KSR1: variants seen among roughly 807,000 people sequenced by gnomAD.
The protein encoded by KSR1 is kinase suppressor of ras 1.
In KSR1, 35 loss-of-function variants were observed where a neutral mutation model predicts 92.9. The observed-to-expected ratio is 0.38, with a 90% confidence interval of 0.29 to 0.50. KSR1 has a LOEUF of 0.50. KSR1 is among the 20% of genes least tolerant of loss of function. The pLI, the probability that KSR1 is intolerant of heterozygous loss-of-function variation, is 0.94. For missense variants in KSR1, 972 were observed against 1,158.5 expected (o/e 0.84, Z 2.34); for synonymous variants, 467 against 472.6 (o/e 0.99, Z 0.15).
chr17:27,586,647 G>A (rs977302933), intron 5 of KSR1, among the ~76,000 whole-genome samples: 1 of 152,168 alleles, frequency 6.6e-6, no homozygotes, highest in African/African-American at 2.4e-5. Flanking sequence ...TCCTCCAATT[G>A]CTGTGGTAAC....
At chr17:27,601,064 C>T (rs2073538490) in intron 10 of KSR1, among the ~76,000 whole-genome samples, 1 of 152,220 alleles carries the variant, frequency 6.6e-6, no homozygotes, top group Non-Finnish European at 1.5e-5. Flanking sequence ...TGTATTTTGC[C>T]CTTCTGGGCT....
chr17:27,526,855 T>C, intron 1 of KSR1: 1 of 698,906 alleles, frequency 1.4e-6, no homozygotes, highest in Non-Finnish European at 2.5e-6. Flanking sequence ...GAAGGAGTGC[T>C]CTGCAGGAAG....
chr17:27,515,285 T>C (rs1315104170), intron 1 of KSR1, among the ~76,000 whole-genome samples: 1 of 152,236 alleles, frequency 6.6e-6, no homozygotes, highest in Non-Finnish European at 1.5e-5. Flanking sequence ...ATTATAGTAC[T>C]GTATTTTTGC....
intron 19 of KSR1, among the ~76,000 whole-genome samples, chr17:27,618,873 A>G (rs1344416921): frequency 6.6e-6 from 1 of 152,202 alleles, no homozygotes; most frequent in Admixed American, 6.5e-5. Flanking sequence ...AAATTTTTGT[A>G]TACATAGAGA....
intron 1 of KSR1, among the ~76,000 whole-genome samples, chr17:27,531,644 G>A (rs947144679): frequency 4.6e-5 from 7 of 152,186 alleles, no homozygotes; most frequent in Non-Finnish European, 2.9e-5. Flanking sequence ...GCTGCTTGGG[G>A]CATGCTGTTG....
Position 27,605,607 on chromosome 17 carries a change from C to T in KSR1, c.1788C>T (p.Pro596=). ...TCGAGCAGGTAGAGCTGGGCGAGCC[C>T]ATCGGGCAGGGCCGCTGGGGCCGGG... is the stretch of plus-strand genomic sequence containing the variant. ...IPFEQVELGE[P]IGQGRWGRVH... Residue 596 remains proline, a synonymous_variant, in exon 14 of 21, where the codon CCC becomes CCT. Transcript: ENST00000644974. 6.2e-7 allele frequency: 1 copy of T among 1,604,850 alleles called. No individual in the cohort carries two copies. Among genetic ancestry groups the T allele is most frequent in the Admixed American group, 1.7e-5 (1 of 58,752 alleles).
At chr17:27,621,808 C>A in intron 20 of KSR1, 1 of 923,310 alleles carries the variant, frequency 1.1e-6, no homozygotes. Context: ...CCCTTTCTCT[C>A]TGGAAGAGAA....
Position 27,509,544 on chromosome 17 carries a change from CT to C in KSR1, c.232-41023del, listed in dbSNP as rs781710478. Among the ~76,000 whole-genome samples, 99 of 152,178 alleles carry C rather than the reference CT, an allele frequency of 6.5e-4. 1 individual carries two copies. Among genetic ancestry groups the C allele is most frequent in the Admixed American group, 2.9e-3 (44 of 15,288 alleles). On this transcript the variant is annotated intron_variant, in intron 1 of 20. Coordinates refer to ENST00000644974, the MANE Select transcript of KSR1 (RefSeq NM_001394583.1). ...GACCTCGTGATCTGCCCACCTCGGC[CT>C]CCCAAAGTGCTAGGATTACAGGCGT...
chr17:27,612,245 C>A (rs1215553299), intron 18 of KSR1, among the ~76,000 whole-genome samples: 1 of 152,140 alleles, frequency 6.6e-6, no homozygotes, highest in Non-Finnish European at 1.5e-5. Context: ...AATATGCATG[C>A]CATGGTGAAT....
rs2074282298 is a variant in KSR1 at position 27,623,583 on chromosome 17, ACAC to A, written c.*197_*199del. On this transcript the variant is annotated 3_prime_UTR_variant, in exon 21 of 21. Transcript: ENST00000644974. ...GCTGCACCTGCTATTTCTTAAAATG[ACAC>A]CACCAACAACCAAACCTGTCATGAC... 5 of 636,044 alleles carry A rather than the reference ACAC, an allele frequency of 7.9e-6. No homozygotes were observed. The highest frequency in any genetic ancestry group is 5.7e-5 in the Admixed American group (2 of 34,798). 39.4% of individuals were successfully genotyped at this position (636,044 alleles called of 1,614,324 possible). A position where few individuals can be genotyped will look rare whatever the true frequency, so the allele number is the denominator to read the frequency against.
In KSR1 at chr17:27,605,503, T is replaced by G. The variant is rs757111526; in HGVS notation, c.1684T>G (p.Ser562Ala). 1.9e-6 allele frequency: 3 copies of G among 1,604,206 alleles called. No individual in the cohort carries two copies. Among genetic ancestry groups the G allele is most frequent in the South Asian group, 1.1e-5 (1 of 89,006 alleles). Residue 562 changes from serine (S) to alanine (A), a missense_variant, in exon 14 of 21, where the codon TCT becomes GCT. This residue lies in a region of KSR1 where 611 missense variants were observed against 668.0 expected (regional missense o/e 0.91). Transcript: ENST00000644974. Reference sequence around the variant, plus strand: ...GGACGAGGTGGACGACTTGCCGAGCTCTCGCCGGCCCTGGCGGGGCCCCAT... The same window carrying G: ...GGACGAGGTGGACGACTTGCCGAGCGCTCGCCGGCCCTGGCGGGGCCCCAT... ...DEDEVDDLPS[S>A]RRPWRGPISR... is the part of the protein sequence containing the mutation.
intron 17 of KSR1, among the ~76,000 whole-genome samples, chr17:27,610,433 G>A (rs1421859181): frequency 6.6e-6 from 1 of 152,202 alleles, no homozygotes; most frequent in Non-Finnish European, 1.5e-5. Context: ...TCCCAACAAG[G>A]TCATTTCATG....
At chr17:27,573,720 AGGTTT>A (rs1443856171) in intron 2 of KSR1, among the ~76,000 whole-genome samples, 4 of 152,166 alleles carry the variant, frequency 2.6e-5, no homozygotes, top group Non-Finnish European at 5.9e-5. Flanking sequence ...TATTTGGAGG[AGGTTT>A]GGAATCGTGC....
At chr17:27,514,005 G>A (rs1156860623) in intron 1 of KSR1, among the ~76,000 whole-genome samples, 2 of 152,238 alleles carry the variant, frequency 1.3e-5, no homozygotes, top group African/African-American at 2.4e-5. Flanking sequence ...CACTGCTTGC[G>A]GTGCAGCTAA....
intron 1 of KSR1, among the ~76,000 whole-genome samples, chr17:27,489,795 G>A (rs2068767537): frequency 6.6e-6 from 1 of 152,212 alleles, no homozygotes; most frequent in South Asian, 2.1e-4. Context: ...AGGAGGTCAT[G>A]AAGAATCCAC....
intron 1 of KSR1, among the ~76,000 whole-genome samples, chr17:27,465,978 C>T (rs28630748): frequency 0.027 from 4,124 of 152,334 alleles, 187 homozygotes; most frequent in African/African-American, 0.092. Flanking sequence ...CTTTCTGTAT[C>T]TCACTGTATT....
intron 1 of KSR1, among the ~76,000 whole-genome samples, chr17:27,498,601 T>G (rs2069074998): frequency 6.6e-6 from 1 of 152,196 alleles, no homozygotes; most frequent in African/African-American, 2.4e-5. Context: ...GCTAGGCCTC[T>G]GTGCGCTGTT....
chr17:27,572,688 T>A (rs146278732), intron 2 of KSR1, among the ~76,000 whole-genome samples: 3 of 152,288 alleles, frequency 2.0e-5, no homozygotes, highest in South Asian at 2.1e-4. Context: ...CCCTAATTTG[T>A]TTTTGGTTTA....
chr17:27,590,727 C>T lies in KSR1; in HGVS notation c.1047-84C>T, dbSNP rs148246304. On this transcript the variant is annotated intron_variant, in intron 6 of 20. Transcript: ENST00000644974. ...GGATGGAGCCAAGACTCCCAGTTGC[C>T]CTGGAGCTCCATGGGAAACCTTCTG... 1.5e-4 allele frequency: 195 copies of T among 1,322,174 alleles called. No individual in the cohort carries two copies. The African/African-American group carries it at 2.5e-3, about 17-fold the overall frequency. The allele number at this position is 1,322,174 out of a possible 1,614,324, so 81.9% of individuals were successfully genotyped here.
Sources: gnomAD v4.1 joint callset for allele counts (sites outside exome capture counted in the v4.1 genomes callset) on GRCh38, gnomAD v4.1.1 for gene constraint, gnomAD v4.1.1 regional missense constraint, MANE v1.5 for transcripts, NCBI Gene and HGNC (gene_info 2026-07-23, HGNC 2026-07-21) for gene names.